The following CEACAM5 variants were observed in gnomAD, a reference collection of about 807,000 sequenced individuals.
CEACAM5 encodes the protein CEA cell adhesion molecule 5.
In CEACAM5, 52 loss-of-function variants were observed where a neutral mutation model predicts 63.0. The ratio of observed to expected loss-of-function variants is 0.83; its 90% confidence interval spans 0.66 to 1.04. The LOEUF (loss-of-function observed/expected upper bound fraction) is 1.04, where lower values mean the gene tolerates loss of function less well. Among genes scored for constraint, CEACAM5 ranks in the 50% least tolerant of loss-of-function variants. The pLI is 0.00. For synonymous variants in CEACAM5, 357 were observed against 351.3 expected (o/e 1.02, Z -0.18); for missense variants, 790 against 864.8 (o/e 0.91, Z 1.08).
At chr19:41,715,561 C>A in intron 3 of CEACAM5, 89 bp from the exon 4 acceptor site, 2 of 1,518,932 alleles carry the variant, frequency 1.3e-6, no homozygotes, top group Non-Finnish European at 1.8e-6. Flanking sequence ...TGTGATTCAG[C>A]TTAGAGGGAC....
chr19:41,729,001 T>G (rs1461543607), intron 9 of CEACAM5, among the ~76,000 whole-genome samples, 183 bp from the exon 10 acceptor site: 1 of 152,154 alleles, frequency 6.6e-6, no homozygotes, highest in African/African-American at 2.4e-5. Flanking sequence ...TAAGTTATAT[T>G]TATGAGTATG....
chr19:41,721,755 G>A (rs1259531994), intron 8 of CEACAM5, among the ~76,000 whole-genome samples: 5 of 152,224 alleles, frequency 3.3e-5, no homozygotes, highest in African/African-American at 9.7e-5. Context: ...TTGAATCTGG[G>A]TAAATCAAGC....
intron 9 of CEACAM5, among the ~76,000 whole-genome samples, chr19:41,728,786 CAAAAAAAA>C (rs55647539): frequency 1.4e-5 from 1 of 73,298 alleles, no homozygotes; most frequent in Non-Finnish European, 2.5e-5. Context: ...GACTCCGTCT[CAAAAAAAA>C]AAAAAAAAAA....
chr19:41,719,987 A>T lies in CEACAM5; in HGVS notation c.1550A>T (p.Asp517Val), dbSNP rs149636403. 4.3e-4 allele frequency: 696 copies of T among 1,614,218 alleles called. 1 individual carries two copies. The highest frequency in any genetic ancestry group is 5.4e-4 in the Non-Finnish European group (638 of 1,180,040). ...SNNSKPVEDK[D>V]AVAFTCEPEA... Reference sequence around the variant, plus strand: ...AACTCCAAACCCGTGGAGGACAAGGATGCTGTGGCCTTCACCTGTGAACCT... The same window carrying T: ...AACTCCAAACCCGTGGAGGACAAGGTTGCTGTGGCCTTCACCTGTGAACCT... Residue 517 changes from aspartate (D) to valine (V), a missense_variant, in exon 7 of 10, where the codon GAT (aspartate) becomes GTT (valine). Asp to Val is a radical substitution (Grantham distance 152). Coordinates refer to ENST00000221992, the MANE Select transcript of CEACAM5 (RefSeq NM_004363.6).
At chr19:41,719,588 C>T (rs1944080650) in intron 6 of CEACAM5, among the ~76,000 whole-genome samples, 1 of 152,206 alleles carries the variant, frequency 6.6e-6, no homozygotes. Flanking sequence ...GAACGGAATT[C>T]AGCACCCACA....
At position 41,721,125 on chromosome 19, in the gene CEACAM5, A is replaced by G; in HGVS notation, c.1975A>G (p.Asn659Asp). 2.5e-6 allele frequency: 4 copies of G among 1,614,208 alleles called. No individual in the cohort carries two copies. The highest frequency in any genetic ancestry group is 3.4e-6 in the Non-Finnish European group (4 of 1,180,042). Residue 659 changes from asparagine (N) to aspartate (D), a missense_variant, in exon 8 of 10, where the codon AAC becomes GAC. By Grantham distance (23) the Asn-to-Asp change is conservative (BLOSUM62 1). Coordinates refer to ENST00000221992, the MANE Select transcript of CEACAM5 (RefSeq NM_004363.6). ...CGGGACCTATGCCTGTTTTGTCTCT[A>G]ACTTGGCTACTGGCCGCAATAATTC... Reference protein sequence around the residue: ...NNGTYACFVSNLATGRNNSIV... With the variant: ...NNGTYACFVSDLATGRNNSIV...
intron 6 of CEACAM5, among the ~76,000 whole-genome samples, chr19:41,718,867 G>A (rs919932212): frequency 2.4e-4 from 37 of 152,224 alleles, no homozygotes; most frequent in Admixed American, 4.6e-4. Context: ...GCTCCGCTCC[G>A]GGCTCCCCCA....
chr19:41,718,925 G>A (rs2072572980), intron 6 of CEACAM5, among the ~76,000 whole-genome samples: 1 of 152,250 alleles, frequency 6.6e-6, no homozygotes, highest in South Asian at 2.1e-4. Flanking sequence ...CCGGGCATGT[G>A]GAGAAGGTGC....
intron 1 of CEACAM5, 147 bp from the exon 2 acceptor site, chr19:41,709,533 G>A (rs2072397716): frequency 1.0e-6 from 1 of 954,174 alleles, no homozygotes; most frequent in South Asian, 2.2e-5. Flanking sequence ...CCTTGACCTA[G>A]TAGGACACAC....
chr19:41,713,429 C>A (rs1718886197), intron 2 of CEACAM5, among the ~76,000 whole-genome samples: 1 of 152,210 alleles, frequency 6.6e-6, no homozygotes, highest in Admixed American at 6.5e-5. Flanking sequence ...AACTCAAAAA[C>A]AGTCAGAAAT....
In CEACAM5 at chr19:41,715,024, A is replaced by G; in HGVS notation, c.478A>G (p.Lys160Glu). Residue 160 changes from lysine to glutamate, a missense_variant, in exon 3 of 10, where the codon AAG (lysine) becomes GAG (glutamate). Transcript: ENST00000221992. ...SSNNSKPVEDKDAVAFTCEPE... is the reference protein window; with the variant it reads ...SSNNSKPVEDEDAVAFTCEPE... The stretch of plus-strand genomic sequence containing the variant: ...CAACAACTCCAAACCCGTGGAGGAC[A>G]AGGATGCTGTGGCCTTCACCTGTGA... The G allele has an allele frequency of 6.2e-7, 1 of 1,614,180 alleles. No individual in the cohort carries two copies. Among genetic ancestry groups the G allele is most frequent in the South Asian group, 1.1e-5 (1 of 91,084 alleles).
rs55647539 is a variant in CEACAM5, at chr19:41,728,786, C to CAAAAAAAAAAAA, written c.*37-390_*37-379dup. Among the ~76,000 whole-genome samples the CAAAAAAAAAAAA allele has an allele frequency of 5.1e-3, 371 of 73,118 alleles. 26 individuals are homozygous for CAAAAAAAAAAAA. The highest frequency in any genetic ancestry group is 0.018 in the African/African-American group (307 of 17,426). The allele number at this position is 73,118 out of a possible 152,430, so 48.0% of individuals were successfully genotyped here. On this transcript the variant is annotated intron_variant, in intron 9 of 9. Transcript: ENST00000221992. ...TGGGCGACAGAGCAAGACTCCGTCT[C>CAAAAAAAAAAAA]AAAAAAAAAAAAAAAAAAAGAATTG...
chr19:41,713,985 T>G (rs1555814441), intron 2 of CEACAM5, among the ~76,000 whole-genome samples: 2 of 152,066 alleles, frequency 1.3e-5, no homozygotes, highest in African/African-American at 4.8e-5. Context: ...GAGGCCAAGG[T>G]GGGCAGAACA....
chr19:41,714,629 G>T (rs1342005705), intron 2 of CEACAM5, among the ~76,000 whole-genome samples: 1 of 152,208 alleles, frequency 6.6e-6, no homozygotes, highest in Admixed American at 6.5e-5. Context: ...AATGTTCCAG[G>T]TGAGGACCCT....
rs1272452547 is a variant in CEACAM5 at position 41,709,921 on chromosome 19, C to A, written c.306C>A (p.Tyr102Ter). The A allele has an allele frequency of 6.2e-7, 1 of 1,614,074 alleles. No homozygotes were observed. The highest frequency in any genetic ancestry group is 8.5e-7 in the Non-Finnish European group (1 of 1,180,008). Residue 102 changes from tyrosine (Y) to a stop codon, truncating the protein, a stop_gained, in exon 2 of 10, where the codon TAC (tyrosine) becomes TAA (stop). Transcript: ENST00000221992. LOFTEE classifies it high-confidence loss of function. Reference protein sequence around the residue: ...GPAYSGREIIYPNASLLIQNI... With the variant: ...GPAYSGREII ...CATACAGTGGTCGAGAGATAATATA[C>A]CCCAATGCATCCCTGCTGATCCAGA... is the stretch of plus-strand genomic sequence containing the variant.
intron 8 of CEACAM5, among the ~76,000 whole-genome samples, chr19:41,724,826 A>C (rs1555816814): frequency 6.6e-6 from 1 of 152,222 alleles, no homozygotes; most frequent in Non-Finnish European, 1.5e-5. Flanking sequence ...TGTATCCTGC[A>C]ACATCACTGA....
In CEACAM5 at chr19:41,717,513, T is replaced by C; in HGVS notation, c.1017T>C (p.Asp339=). ...SNNSNPVEDE[D]AVALTCEPEI... is the part of the protein sequence containing the mutation. ...ACTCCAACCCCGTGGAGGATGAGGA[T>C]GCTGTAGCCTTAACCTGTGAACCTG... The change falls in exon 5 of 10, where the codon GAT becomes GAC. Residue 339 remains aspartate (D), a synonymous_variant. Transcript: ENST00000221992. 6.2e-7 allele frequency: 1 copy of C among 1,614,218 alleles called. No individual in the cohort carries two copies. Among genetic ancestry groups the C allele is most frequent in the Non-Finnish European group, 8.5e-7 (1 of 1,180,018 alleles).
chr19:41,714,427 T>A (rs1217333578), intron 2 of CEACAM5, among the ~76,000 whole-genome samples: 1 of 152,194 alleles, frequency 6.6e-6, no homozygotes, highest in African/African-American at 2.4e-5. Context: ...CAGGCTTGCC[T>A]CTGGTGTCCC....
chr19:41,725,825 A>G (rs1248598422), intron 8 of CEACAM5, among the ~76,000 whole-genome samples: 2 of 152,126 alleles, frequency 1.3e-5, no homozygotes, highest in African/African-American at 4.8e-5. Flanking sequence ...TTATTTATTT[A>G]AACTCTAATC....
Sources: allele counts gnomAD v4.1 joint callset (sites outside exome capture counted in the v4.1 genomes callset), GRCh38; gene constraint gnomAD v4.1.1; transcripts MANE v1.5; gene names NCBI Gene and HGNC (gene_info 2026-07-23, HGNC 2026-07-21).